Variants in ENTREP2 observed in about 807,000 individuals in gnomAD.
ENTREP2 encodes the protein endosomal transmembrane epsin interactor 2, also known as protein ENTREP2.
At chr15:29,279,738 C>G in the ENTREP2 span, among the ~76,000 whole-genome samples, 2 of 152,136 alleles carry the variant, frequency 1.3e-5, no homozygotes, top group Non-Finnish European at 2.9e-5. Context: ...AAAATTAAGT[C>G]TACCGATCCA....
the ENTREP2 span, among the ~76,000 whole-genome samples, chr15:29,479,100 G>A: frequency 1.0e-4 from 15 of 148,776 alleles, no homozygotes; most frequent in Non-Finnish European, 2.1e-4. Context: ...CCAGCTACTT[G>A]GGAGGCTGAG....
the ENTREP2 span, among the ~76,000 whole-genome samples, chr15:29,424,180 T>G: frequency 6.6e-6 from 1 of 152,020 alleles, no homozygotes; most frequent in Non-Finnish European, 1.5e-5. Flanking sequence ...ACCCAAAGAG[T>G]GAGCAACAGC....
chr15:29,187,396 C>T, the ENTREP2 span, among the ~76,000 whole-genome samples: 1 of 152,182 alleles, frequency 6.6e-6, no homozygotes, highest in Non-Finnish European at 1.5e-5. Flanking sequence ...CTGCCTCAGC[C>T]TCCCGAGTAG....
chr15:29,211,066 T>C, the ENTREP2 span, among the ~76,000 whole-genome samples: 1 of 152,172 alleles, frequency 6.6e-6, no homozygotes, highest in South Asian at 2.1e-4. Context: ...AGAAGGGGAT[T>C]GTCTGTAAAA....
At chr15:29,560,170 G>A in the ENTREP2 span, among the ~76,000 whole-genome samples, 1,935 of 152,264 alleles carry the variant, frequency 0.013, 33 homozygotes, top group African/African-American at 0.04. Context: ...GATGACAAGA[G>A]GCTACGTTAG....
chr15:29,126,581 G>A, the ENTREP2 span: 11 of 1,116,018 alleles, frequency 9.9e-6, no homozygotes, highest in East Asian at 1.8e-4. Context: ...AGACCTAGAT[G>A]AACTCTGAAA....
At chr15:29,405,613 C>T in the ENTREP2 span, among the ~76,000 whole-genome samples, 5 of 152,184 alleles carry the variant, frequency 3.3e-5, no homozygotes, top group Admixed American at 6.5e-5. Context: ...CAAACAGCTA[C>T]AGGACCACGG....
the ENTREP2 span, among the ~76,000 whole-genome samples, chr15:29,367,893 G>A: frequency 2.7e-5 from 4 of 145,492 alleles, no homozygotes; most frequent in African/African-American, 1.0e-4. Flanking sequence ...TGGACAAGAA[G>A]AATTTGCTTT....
At chr15:29,168,273 T>A in the ENTREP2 span, among the ~76,000 whole-genome samples, 1 of 152,114 alleles carries the variant, frequency 6.6e-6, no homozygotes, top group Non-Finnish European at 1.5e-5. Context: ...AAATCACCAC[T>A]AAAGAACTTA....
chr15:29,361,924 GA>G, the ENTREP2 span, among the ~76,000 whole-genome samples: 1 of 152,310 alleles, frequency 6.6e-6, no homozygotes, highest in South Asian at 2.1e-4. Flanking sequence ...CACACCTGGG[GA>G]TACTAAGTGG....
the ENTREP2 span, chr15:29,196,734 G>A: frequency 8.6e-6 from 5 of 581,066 alleles, no homozygotes; most frequent in Admixed American, 1.5e-4. Flanking sequence ...AGGCCATCAG[G>A]AGGACTTCAA....
chr15:29,205,096 C>T, the ENTREP2 span, among the ~76,000 whole-genome samples: 157 of 152,298 alleles, frequency 1.0e-3, no homozygotes, highest in African/African-American at 3.6e-3. Context: ...TGTGGCTGGC[C>T]TATTTCACTC....
At chr15:29,670,834 C>G in the ENTREP2 span, among the ~76,000 whole-genome samples, 1 of 152,172 alleles carries the variant, frequency 6.6e-6, no homozygotes, top group Admixed American at 6.5e-5. Context: ...AGATTTGGTC[C>G]TTGTCTCTGT....
At chr15:29,304,641 G>C in the ENTREP2 span, among the ~76,000 whole-genome samples, 1,178 of 152,270 alleles carry the variant, frequency 7.7e-3, 10 homozygotes, top group African/African-American at 0.025. Flanking sequence ...GACACTCTCT[G>C]CTTAACACCT....
At chr15:29,269,250 G>A in the ENTREP2 span, 73 of 1,614,068 alleles carry the variant, frequency 4.5e-5, no homozygotes, top group African/African-American at 6.7e-5. Flanking sequence ...TGATGAGGAT[G>A]TAAGTGTTGC....
the ENTREP2 span, among the ~76,000 whole-genome samples, chr15:29,387,632 A>T: frequency 6.6e-6 from 1 of 152,148 alleles, no homozygotes; most frequent in Non-Finnish European, 1.5e-5. Flanking sequence ...TAAAGTTCAT[A>T]TGGAACCAAA....
the ENTREP2 span, among the ~76,000 whole-genome samples, chr15:29,468,610 C>CA: frequency 0.57 from 57,745 of 102,192 alleles, 13,761 homozygotes; most frequent in African/African-American, 0.66. Flanking sequence ...AACTCCATCT[C>CA]AAAAAAAAAA....
chr15:29,287,906 A>C, the ENTREP2 span, among the ~76,000 whole-genome samples: 1 of 152,212 alleles, frequency 6.6e-6, no homozygotes, highest in Admixed American at 6.5e-5. Context: ...AGACAAAAAG[A>C]CCAACAAGAT....
chr15:29,586,378 G>A, the ENTREP2 span, among the ~76,000 whole-genome samples: 1 of 152,166 alleles, frequency 6.6e-6, no homozygotes, highest in African/African-American at 2.4e-5. Flanking sequence ...TCTAAAATTG[G>A]ATAGTGGTGA....
Sources: gnomAD v4.1 joint callset for allele counts (sites outside exome capture counted in the v4.1 genomes callset) on GRCh38, gnomAD v4.1.1 for gene constraint, MANE v1.5 for transcripts, NCBI Gene and HGNC (gene_info 2026-07-23, HGNC 2026-07-21) for gene names.